Variants in TRPC5 observed in about 807,000 individuals in gnomAD.
TRPC5 encodes the protein transient receptor potential cation channel subfamily C member 5, also known as short transient receptor potential channel 5.
Under a neutral mutation model 56.5 loss-of-function variants are expected in TRPC5, and 9 were observed. That is an observed-to-expected ratio of 0.16 (90% CI 0.10 to 0.28). TRPC5 has a LOEUF of 0.28. Among genes scored for constraint, TRPC5 ranks in the 10% least tolerant of loss-of-function variants. TRPC5 has a pLI of 1.00. For missense variants in TRPC5, 469 were observed against 748.9 expected (o/e 0.63, Z 4.36); for synonymous variants, 282 against 278.5 (o/e 1.01, Z -0.13).
chrX:111,961,106 G>A (rs6642972), intron 1 of TRPC5, among the ~76,000 whole-genome samples: 29 of 111,976 alleles, frequency 2.6e-4, no homozygotes, highest in African/African-American at 5.8e-4. Context: ...CAACGTGCCC[G>A]GCCTACAAAA....
intron 1 of TRPC5, among the ~76,000 whole-genome samples, chrX:111,971,759 T>C (rs1927791479): frequency 1.8e-5 from 2 of 112,089 alleles, no homozygotes; most frequent in Non-Finnish European, 3.8e-5. Flanking sequence ...ATTCTATCAT[T>C]CATAACTTAA....
chrX:112,047,658 C>T (rs1043174281), intron 1 of TRPC5, among the ~76,000 whole-genome samples: 1 of 112,070 alleles, frequency 8.9e-6, no homozygotes, highest in Non-Finnish European at 1.9e-5. Context: ...ATCCTTTCAT[C>T]CTCCAGCAGA....
chrX:111,951,658 G>A (rs939906877), intron 2 of TRPC5, among the ~76,000 whole-genome samples: 6 of 111,821 alleles, frequency 5.4e-5, no homozygotes. Context: ...CTAATGAGAA[G>A]TAGAAAGACC....
intron 1 of TRPC5, among the ~76,000 whole-genome samples, chrX:111,975,981 T>C (rs1236299090): frequency 3.6e-5 from 4 of 112,231 alleles, no homozygotes; most frequent in Non-Finnish European, 7.5e-5. Flanking sequence ...AATTTATCCC[T>C]AAGAAAGGAG....
intron 1 of TRPC5, among the ~76,000 whole-genome samples, chrX:112,060,489 A>T (rs1278332154): frequency 2.7e-5 from 3 of 112,443 alleles, no homozygotes; most frequent in Non-Finnish European, 3.8e-5. Flanking sequence ...TTCATGTAAT[A>T]TATTTAGCAT....
intron 2 of TRPC5, among the ~76,000 whole-genome samples, chrX:111,923,220 T>C (rs1462542727): frequency 8.9e-6 from 1 of 112,008 alleles, no homozygotes; most frequent in Non-Finnish European, 1.9e-5. Context: ...ATCACAACAC[T>C]GAATATACAG....
At chrX:111,988,448 TTTC>T (rs1480249827) in intron 1 of TRPC5, among the ~76,000 whole-genome samples, 2 of 110,602 alleles carry the variant, frequency 1.8e-5, no homozygotes, top group African/African-American at 6.6e-5. Flanking sequence ...TCACCCTTCC[TTTC>T]TTCTTCCTCT....
At chrX:112,032,593 A>G (rs1468664772) in intron 1 of TRPC5, among the ~76,000 whole-genome samples, 2 of 112,167 alleles carry the variant, frequency 1.8e-5, no homozygotes, top group Non-Finnish European at 3.8e-5. Context: ...GTATGTACAT[A>G]TGCTTGCTTG....
chrX:111,801,402 G>C lies in TRPC5; in HGVS notation c.1897-19264C>G, dbSNP rs190100915. Among the ~76,000 whole-genome samples the C allele has an allele frequency of 7.9e-4, 88 of 111,798 alleles. 1 individual carries two copies. Among genetic ancestry groups the C allele is most frequent in the African/African-American group, 2.6e-3 (81 of 30,821 alleles). ...GGAAGTATATGTTCTTAATTCTCTT[G>C]AGTATATACCTATGAATGAAATTGC... is the stretch of plus-strand genomic sequence containing the variant. On this transcript the variant is annotated intron_variant, in intron 7 of 10. Transcript: ENST00000262839.
At chrX:111,951,690 T>A (rs1218110766) in intron 2 of TRPC5, among the ~76,000 whole-genome samples, 1 of 111,717 alleles carries the variant, frequency 9.0e-6, no homozygotes, top group Non-Finnish European at 1.9e-5. Flanking sequence ...TTGTCTCTCC[T>A]TTTCTAGAAT....
intron 6 of TRPC5, among the ~76,000 whole-genome samples, chrX:111,836,018 G>A (rs1477189542): frequency 3.6e-5 from 4 of 111,351 alleles, no homozygotes; most frequent in East Asian, 5.7e-4. Flanking sequence ...TACTGATGAC[G>A]AAACAGAGAT....
At chrX:111,795,551 T>C (rs1179115034) in intron 7 of TRPC5, among the ~76,000 whole-genome samples, 2 of 111,325 alleles carry the variant, frequency 1.8e-5, no homozygotes, top group Non-Finnish European at 3.8e-5. Flanking sequence ...CAATGACTTC[T>C]AGTGCCCATG....
At chrX:111,835,287 T>C (rs1922529933) in intron 6 of TRPC5, among the ~76,000 whole-genome samples, 171 bp from the exon 7 acceptor site, 1 of 112,088 alleles carries the variant, frequency 8.9e-6, no homozygotes, top group African/African-American at 3.2e-5. Flanking sequence ...TCCATGTCCA[T>C]TTGTTTGTTT....
At chrX:111,834,608 G>A (rs150018291) in intron 7 of TRPC5, among the ~76,000 whole-genome samples, 16 of 111,535 alleles carry the variant, frequency 1.4e-4, no homozygotes, top group Admixed American at 5.7e-4. Flanking sequence ...GAGGTGACAC[G>A]TTGTAGCCAA....
chrX:111,869,195 C>A (rs774689379), intron 3 of TRPC5, among the ~76,000 whole-genome samples: 9 of 106,140 alleles, frequency 8.5e-5, no homozygotes, highest in Non-Finnish European at 1.7e-4. Flanking sequence ...CATTTGAGAT[C>A]AAGAAATAGG....
Position 111,814,615 on chromosome X carries a change from C to T in TRPC5, c.1896+20306G>A, listed in dbSNP as rs772780722. On this transcript the variant is annotated intron_variant, in intron 7 of 10. Coordinates refer to ENST00000262839, the MANE Select transcript of TRPC5 (RefSeq NM_012471.3). ...TTTAACCTTTCCCAAACTCCAAGAG[C>T]CCCCTTGGTGAGTGTTGCAAACAGG... is the stretch of plus-strand genomic sequence containing the variant. 2.7e-5 allele frequency among the ~76,000 whole-genome samples: 3 copies of T among 110,366 alleles called. No individual in the cohort carries two copies. In the East Asian group the frequency reaches 8.6e-4, roughly 32 times the overall value.
intron 3 of TRPC5, among the ~76,000 whole-genome samples, chrX:111,907,646 T>A (rs186104241): frequency 0.016 from 1,779 of 108,865 alleles, 14 homozygotes; most frequent in Middle Eastern, 0.066. Flanking sequence ...TAAAAATAAA[T>A]AATAATAATA....
intron 1 of TRPC5, among the ~76,000 whole-genome samples, chrX:112,010,444 C>A (rs991445191): frequency 9.0e-6 from 1 of 111,408 alleles, no homozygotes; most frequent in Non-Finnish European, 1.9e-5. Flanking sequence ...GAAATTTTTT[C>A]ATTGTGTGAA....
At chrX:111,777,653 GTTTCATC>G (rs756358268) in intron 10 of TRPC5, among the ~76,000 whole-genome samples, 78 of 112,056 alleles carry the variant, frequency 7.0e-4, no homozygotes, top group African/African-American at 2.5e-3. Flanking sequence ...GCTTTCTCCA[GTTTCATC>G]TTTCTACTCT....
Sources: gnomAD v4.1 joint callset for allele counts (sites outside exome capture counted in the v4.1 genomes callset) on GRCh38, gnomAD v4.1.1 for gene constraint, MANE v1.5 for transcripts, NCBI Gene and HGNC (gene_info 2026-07-23, HGNC 2026-07-21) for gene names.